The following SLC5A11 variants were observed in gnomAD, a reference collection of about 807,000 sequenced individuals.
SLC5A11 encodes the protein solute carrier family 5 member 11.
A neutral mutation model predicts 69.8 loss-of-function variants in SLC5A11; 48 were observed. The ratio of observed to expected loss-of-function variants is 0.69; its 90% CI spans 0.55 to 0.87. The LOEUF (loss-of-function observed/expected upper bound fraction) is 0.87, where lower values mean the gene tolerates loss of function less well. SLC5A11 is among the 40% of genes least tolerant of loss of function. The pLI is 0.00. For synonymous variants in SLC5A11, 319 were observed against 342.4 expected (o/e 0.93, Z 0.75); for missense variants, 784 against 866.1 (o/e 0.91, Z 1.19).
At chr16:24,862,740 C>A in intron 3 of SLC5A11, 68 bp downstream of exon 4, 1 of 1,423,180 alleles carries the variant, frequency 7.0e-7, no homozygotes, top group Non-Finnish European at 9.9e-7. Flanking sequence ...TTCTGTCCAG[C>A]CTTTGATATC....
chr16:24,874,619 C>T (rs796348005), intron 5 of SLC5A11, among the ~76,000 whole-genome samples: 12 of 152,150 alleles, frequency 7.9e-5, no homozygotes, highest in African/African-American at 2.2e-4. Flanking sequence ...AGTGCAGTGG[C>T]GTGCCCTCAG....
chr16:24,909,278 G>T (rs759553615), intron 14 of SLC5A11, among the ~76,000 whole-genome samples, 182 bp downstream of exon 15: 2 of 152,146 alleles, frequency 1.3e-5, no homozygotes, highest in Non-Finnish European at 2.9e-5. Flanking sequence ...CTGCACTTCT[G>T]CTTCAATTCT....
intron 10 of SLC5A11, among the ~76,000 whole-genome samples, chr16:24,901,954 A>G (rs901466830): frequency 2.8e-4 from 25 of 88,474 alleles, no homozygotes; most frequent in African/African-American, 8.0e-4. Flanking sequence ...ACACACACAC[A>G]CACGCACACA....
chr16:24,886,534 ATAATTAAAG>A (rs1414048106), intron 8 of SLC5A11, among the ~76,000 whole-genome samples: 5 of 125,422 alleles, frequency 4.0e-5, no homozygotes, highest in Admixed American at 8.4e-5. Context: ...AACAAAGTAA[ATAATTAAAG>A]TAATCACAAA....
chr16:24,848,312 A>G (rs950775949), intron 1 of SLC5A11, among the ~76,000 whole-genome samples: 1 of 152,094 alleles, frequency 6.6e-6, no homozygotes, highest in Admixed American at 6.6e-5. Flanking sequence ...TGAGGGGCGG[A>G]TTAAAAGGAA....
In SLC5A11 at chr16:24,906,984, C is replaced by A. The variant is rs1331300395; in HGVS notation, c.1115-41C>A. 15 of 1,599,156 alleles carry A rather than the reference C, an allele frequency of 9.4e-6. 1 individual carries two copies. The Admixed American group carries it at 1.0e-4, about 11-fold the overall frequency. On this transcript the variant is annotated intron_variant, in intron 11 of 15. Transcript: ENST00000347898. Reference sequence around the variant, plus strand: ...AGCCCACTGGGATCGGCTGCTTTGGCAGAAAAGGACCGAGGCCCATGACCT... The same window carrying A: ...AGCCCACTGGGATCGGCTGCTTTGGAAGAAAAGGACCGAGGCCCATGACCT...
chr16:24,868,229 C>T (rs1043190684), intron 3 of SLC5A11, among the ~76,000 whole-genome samples: 5 of 149,676 alleles, frequency 3.3e-5, no homozygotes, highest in African/African-American at 4.9e-5. Context: ...ATGGCTTCAA[C>T]GATAAACTCT....
chr16:24,862,522 C>T, intron 2 of SLC5A11, 79 bp from the exon 4 acceptor site: 4 of 1,193,342 alleles, frequency 3.4e-6, no homozygotes, highest in Non-Finnish European at 4.9e-6. Context: ...GTTTGCAATC[C>T]CTGCCTGGCC....
chr16:24,853,406 C>T (rs1041025793), intron 1 of SLC5A11, among the ~76,000 whole-genome samples: 1 of 152,054 alleles, frequency 6.6e-6, no homozygotes, highest in Non-Finnish European at 1.5e-5. Context: ...CTTGGCACAC[C>T]GCTGGTGACT....
chr16:24,888,480 T>A (rs577226782), intron 8 of SLC5A11, among the ~76,000 whole-genome samples: 100 of 50,068 alleles, frequency 2.0e-3, no homozygotes, highest in African/African-American at 8.2e-3. Context: ...ATCTATTTCT[T>A]TTTTTTTTTT....
intron 2 of SLC5A11, among the ~76,000 whole-genome samples, chr16:24,859,713 C>T (rs1382818403): frequency 6.6e-6 from 1 of 152,318 alleles, no homozygotes; most frequent in East Asian, 1.9e-4. Flanking sequence ...TATCTTTTCA[C>T]ATTAGCACGT....
intron 15 of SLC5A11, 51 bp downstream of exon 16, chr16:24,910,528 G>T: frequency 6.7e-7 from 1 of 1,497,648 alleles, no homozygotes; most frequent in Non-Finnish European, 9.0e-7. Flanking sequence ...GTGTTAAAGG[G>T]ATTGATTTTT....
At chr16:24,874,928 T>C (rs2047569108) in intron 5 of SLC5A11, among the ~76,000 whole-genome samples, 1 of 152,092 alleles carries the variant, frequency 6.6e-6, no homozygotes, top group South Asian at 2.1e-4. Context: ...TTTCCGGCCA[T>C]TTGGATTTCC....
intron 1 of SLC5A11, among the ~76,000 whole-genome samples, chr16:24,848,118 A>T (rs1300040334): frequency 6.6e-6 from 1 of 152,220 alleles, no homozygotes; most frequent in Non-Finnish European, 1.5e-5. Flanking sequence ...AGGGAAGAGC[A>T]TCCCAGGCAG....
chr16:24,869,590 C>T (rs1208676180), intron 3 of SLC5A11, among the ~76,000 whole-genome samples: 3 of 152,168 alleles, frequency 2.0e-5, no homozygotes, highest in South Asian at 2.1e-4. Flanking sequence ...ACCCCCGACC[C>T]CCGCAGGGAT....
rs1327896712 is a variant in SLC5A11, at chr16:24,875,811, C to A, written c.477+80C>A. 4 of 1,097,478 alleles carry A rather than the reference C, an allele frequency of 3.6e-6. No homozygotes were observed. The African/African-American group carries it at 6.2e-5, about 17-fold the overall frequency. The allele number at this position is 1,097,478 out of a possible 1,614,324, so 68.0% of individuals were successfully genotyped here. A position where few individuals can be genotyped will look rare whatever the true frequency, so the allele number is the denominator to read the frequency against. The stretch of plus-strand genomic sequence containing the variant: ...CACAGATCATTGCTCAGGAGTGTCT[C>A]CTCGCTATCCCCTTTCTCCTCGTCT... On this transcript the variant is annotated intron_variant, in intron 6 of 15. Transcript: ENST00000347898.
chr16:24,865,460 G>C (rs534539625), intron 3 of SLC5A11, among the ~76,000 whole-genome samples: 4 of 152,186 alleles, frequency 2.6e-5, no homozygotes, highest in Non-Finnish European at 5.9e-5. Flanking sequence ...AGGAGGCTGA[G>C]GCAGGAGAAT....
intron 9 of SLC5A11, 66 bp downstream of exon 10, chr16:24,891,140 C>T: frequency 3.3e-6 from 5 of 1,533,380 alleles, no homozygotes; most frequent in South Asian, 1.2e-5. Flanking sequence ...TGGCTGAAGT[C>T]GGTGCTTTTT....
chr16:24,855,654 A>C (rs2152232329), intron 1 of SLC5A11, among the ~76,000 whole-genome samples: 1 of 151,248 alleles, frequency 6.6e-6, no homozygotes, highest in South Asian at 2.1e-4. Flanking sequence ...CTGGACACCA[A>C]AGTGAAACCT....
Sources: gnomAD v4.1 joint callset for allele counts (sites outside exome capture counted in the v4.1 genomes callset) on GRCh38, gnomAD v4.1.1 for gene constraint, MANE v1.5 for transcripts, NCBI Gene and HGNC (gene_info 2026-07-23, HGNC 2026-07-21) for gene names.